Variants in CCDC110 observed in about 807,000 individuals in gnomAD.
CCDC110 encodes coiled-coil domain containing 110, also known as coiled-coil domain-containing protein 110.
Under a neutral mutation model 77.1 loss-of-function variants are expected in CCDC110, and 70 were observed. That is an observed-to-expected ratio of 0.91 (90% CI 0.75 to 1.11). CCDC110 has a LOEUF of 1.11. CCDC110 is among the 50% of genes least tolerant of loss of function. The probability of loss-of-function intolerance (pLI) is 0.00; values close to 1 mark genes in which losing one functional copy is unlikely to be tolerated. For missense variants in CCDC110, 868 were observed against 942.9 expected, an observed-to-expected ratio of 0.92 and a Z score of 1.04; for synonymous variants, 295 against 312.5, an observed-to-expected ratio of 0.94 and a Z score of 0.59.
intron 6 of CCDC110, among the ~76,000 whole-genome samples, chr4:185,446,674 T>G (rs1359006209): frequency 6.6e-6 from 1 of 152,158 alleles, no homozygotes; most frequent in Non-Finnish European, 1.5e-5. Context: ...ATAAGGAAAA[T>G]TTTAAATGTT....
At position 185,458,986 on chromosome 4, in the gene CCDC110, A is replaced by G. The variant is rs759313082; in HGVS notation, c.1601T>C (p.Leu534Ser). 44 of 1,603,810 alleles carry G rather than the reference A, an allele frequency of 2.7e-5. No individual in the cohort carries two copies. The South Asian group carries it at 4.0e-4, about 15-fold the overall frequency. The stretch of plus-strand genomic sequence containing the variant: ...TGCTTCCATCATTTGTTGCTTCTCT[A>G]AAGAAAGTTGTATATTTTTTTCCTC... ...TLEEKNIQLS[L>S]EKQQMMEALD... Residue 534 changes from leucine to serine, a missense_variant, in exon 6 of 7, where the codon TTA (leucine) becomes TCA (serine). Leu to Ser is a moderately radical substitution (Grantham distance 145). Transcript: ENST00000307588.
At chr4:185,471,344 T>A (rs2095667024) in intron 1 of CCDC110, among the ~76,000 whole-genome samples, 1 of 89,464 alleles carries the variant, frequency 1.1e-5, no homozygotes, top group African/African-American at 4.0e-5. Context: ...GGGTCAAGGC[T>A]GAAGGCTGGG....
intron 6 of CCDC110, among the ~76,000 whole-genome samples, chr4:185,449,073 C>T (rs1561150294): frequency 6.6e-6 from 1 of 151,944 alleles, no homozygotes; most frequent in Non-Finnish European, 1.5e-5. Context: ...AAATTGATTC[C>T]GTAATTGTTT....
At position 185,471,695 on chromosome 4, in the gene CCDC110, ATCTCTC is replaced by A. The variant is rs753068683; in HGVS notation, c.-18_-13del. 1 of 1,544,018 alleles carries A rather than the reference ATCTCTC, an allele frequency of 6.5e-7. No homozygotes were observed. The highest frequency in any genetic ancestry group is 1.4e-5 in the African/African-American group (1 of 69,582). ...TTACCCGGGCTCATCGCCGCGGCTC[ATCTCTC>A]TCGCAACCGCCGCCGCACGCACCCG... On this transcript the variant is annotated 5_prime_UTR_variant, in exon 1 of 7. The change creates a new upstream start codon in the 5' untranslated region. Transcript: ENST00000307588.
At chr4:185,458,088 T>C in intron 6 of CCDC110, 38 bp downstream of exon 6, 2 of 1,385,810 alleles carry the variant, frequency 1.4e-6, no homozygotes, top group Admixed American at 2.6e-5. Flanking sequence ...TAAAAGAATC[T>C]TAAACACATC....
chr4:185,471,427 C>G (rs1172517002), intron 1 of CCDC110: 1 of 387,204 alleles, frequency 2.6e-6, no homozygotes. Context: ...TTTCCGCAAG[C>G]GGCCACCCGA....
Position 185,456,589 on chromosome 4 carries a change from C to T in CCDC110, c.2461+1537G>A, listed in dbSNP as rs976292129. Among the ~76,000 whole-genome samples, 5 of 152,214 alleles carry T rather than the reference C, an allele frequency of 3.3e-5. No homozygotes were observed. The South Asian group carries it at 8.3e-4, about 25-fold the overall frequency. On this transcript the variant is annotated intron_variant, in intron 6 of 6. Transcript: ENST00000307588. ...GGGACATCGCTACAAGTCCTTTGAACGTTAAAATGCTAATAAGGAATATTA... is the reference window on the plus strand; with the variant it reads ...GGGACATCGCTACAAGTCCTTTGAATGTTAAAATGCTAATAAGGAATATTA...
chr4:185,471,730 C>CT lies in CCDC110; in HGVS notation c.-48_-47insA, dbSNP rs760850100. 2.0e-6 allele frequency: 3 copies of CT among 1,508,818 alleles called. No homozygotes were observed. Among genetic ancestry groups the CT allele is most frequent in the Non-Finnish European group, 1.8e-6 (2 of 1,130,612 alleles). The allele number at this position is 1,508,818 out of a possible 1,614,324, so 93.5% of individuals were successfully genotyped here. A position where few individuals can be genotyped will look rare whatever the true frequency, so the allele number is the denominator to read the frequency against. On this transcript the variant is annotated 5_prime_UTR_variant, in exon 1 of 7. Coordinates refer to ENST00000307588, the MANE Select transcript of CCDC110 (RefSeq NM_152775.4). ...CAACCGCCGCCGCACGCACCCGCTC[C>CT]GCCGCCCCGCGCAGGGCATCCTGTC...
chr4:185,447,479 C>T (rs1049435780), intron 6 of CCDC110, among the ~76,000 whole-genome samples: 5 of 152,116 alleles, frequency 3.3e-5, no homozygotes, highest in South Asian at 4.1e-4. Context: ...CACGCCCGGC[C>T]GATTTTATAT....
chr4:185,463,767 C>A (rs1386456689), intron 2 of CCDC110, among the ~76,000 whole-genome samples: 2 of 152,170 alleles, frequency 1.3e-5, no homozygotes, highest in African/African-American at 4.8e-5. Context: ...CTGTCCCCTG[C>A]TAGATTATAG....
At position 185,461,072 on chromosome 4, in the gene CCDC110, C is replaced by T; in HGVS notation, c.325G>A (p.Gly109Ser). The change falls in exon 5 of 7, where the codon GGC becomes AGC. Residue 109 changes from glycine to serine, a missense_variant. Physicochemically the swap from Gly to Ser is moderately conservative, Grantham distance 56. Transcript: ENST00000307588. ...QFSSEKNLVF[G>S]TRIEKDLPTE... ...ACCAAATCCTTTTCAATGCGCGTGC[C>T]AAACACCAGATTTTTTTCTGAGCTA... The T allele has an allele frequency of 6.3e-7, 1 of 1,589,854 alleles. No individual in the cohort carries two copies. The highest frequency in any genetic ancestry group is 8.6e-7 in the Non-Finnish European group (1 of 1,165,696).
chr4:185,470,627 C>A (rs2095664255), intron 2 of CCDC110: 2 of 499,076 alleles, frequency 4.0e-6, no homozygotes, highest in Non-Finnish European at 7.8e-6. Context: ...TGAAGACAGG[C>A]AGTCCGGAGC....
At chr4:185,452,167 A>C in intron 6 of CCDC110, 1 of 980,372 alleles carries the variant, frequency 1.0e-6, no homozygotes, top group Non-Finnish European at 1.2e-6. Context: ...AATACAAAAC[A>C]GTTTTATTCC....
chr4:185,452,268 A>G (rs2153318507), intron 6 of CCDC110: 1 of 985,416 alleles, frequency 1.0e-6, no homozygotes, highest in East Asian at 1.1e-4. Flanking sequence ...TGACTTGGGT[A>G]GTTTTCTGCA....
At chr4:185,470,632 C>T in intron 2 of CCDC110, 1 of 504,290 alleles carries the variant, frequency 2.0e-6, no homozygotes, top group South Asian at 1.5e-5. Context: ...ACAGGCAGTC[C>T]GGAGCCGCCC....
intron 6 of CCDC110, among the ~76,000 whole-genome samples, chr4:185,456,590 G>A (rs73873457): frequency 0.012 from 1,770 of 152,194 alleles, 34 homozygotes; most frequent in African/African-American, 0.041. Flanking sequence ...TCCTTTGAAC[G>A]TTAAAATGCT....
In CCDC110 at chr4:185,445,305, TC is replaced by T; in HGVS notation, c.*196del. Reference sequence around the variant, plus strand: ...TACCTGCCCTCCCTTGTAGAAGTTCTCCCCCATCTTCTGAAATTCCCAGCTG... The same window carrying T: ...TACCTGCCCTCCCTTGTAGAAGTTCTCCCCATCTTCTGAAATTCCCAGCTG... On this transcript the variant is annotated 3_prime_UTR_variant, in exon 7 of 7. Coordinates refer to ENST00000307588, the MANE Select transcript of CCDC110 (RefSeq NM_152775.4). 1 of 705,570 alleles carries T rather than the reference TC, an allele frequency of 1.4e-6. No individual in the cohort carries two copies. Among genetic ancestry groups the T allele is most frequent in the Non-Finnish European group, 2.3e-6 (1 of 434,364 alleles). 43.7% of individuals were successfully genotyped at this position (705,570 alleles called of 1,614,324 possible).
chr4:185,449,313 G>A (rs1474207714), intron 6 of CCDC110, among the ~76,000 whole-genome samples: 1 of 152,070 alleles, frequency 6.6e-6, no homozygotes, highest in Non-Finnish European at 1.5e-5. Flanking sequence ...TTGAGCCCAG[G>A]ATTTTAAGAC....
At chr4:185,454,162 C>A (rs542704083) in intron 6 of CCDC110, among the ~76,000 whole-genome samples, 1 of 152,082 alleles carries the variant, frequency 6.6e-6, no homozygotes, top group East Asian at 1.9e-4. Flanking sequence ...ACAGCCTTTA[C>A]CAAAATTAGA....
Sources: allele counts gnomAD v4.1 joint callset (sites outside exome capture counted in the v4.1 genomes callset), GRCh38; gene constraint gnomAD v4.1.1; transcripts MANE v1.5; gene names NCBI Gene and HGNC (gene_info 2026-07-23, HGNC 2026-07-21).